The following AATK variants were observed in gnomAD, a reference collection of about 807,000 sequenced individuals.
AATK encodes lemur tail kinase 1.
AATK carries 91 observed loss-of-function variants against 114.3 expected under a neutral mutation model. The observed-to-expected ratio is 0.80, with a 90% confidence interval of 0.67 to 0.95. The LOEUF (loss-of-function observed/expected upper bound fraction) is 0.95, where lower values mean the gene tolerates loss of function less well. Among genes scored for constraint, AATK ranks in the 40% least tolerant of loss-of-function variants. The probability of loss-of-function intolerance (pLI) is 0.00; values close to 1 mark genes in which losing one functional copy is unlikely to be tolerated. For synonymous variants in AATK, 1,075 were observed against 916.5 expected, an observed-to-expected ratio of 1.17 and a Z score of -3.12; for missense variants, 2,176 against 1,965.2, an observed-to-expected ratio of 1.11 and a Z score of -2.03.
chr17:81,122,175 G>C lies in AATK; in HGVS notation c.1761C>G (p.Pro587=). Reference sequence around the variant, plus strand: ...GAGGGTAGTGGTCGCCGCGGCCCCAGGGGACGTCGACGGGTGGCCCGTGGC... The same window carrying C: ...GAGGGTAGTGGTCGCCGCGGCCCCACGGGACGTCGACGGGTGGCCCGTGGC... ...LLGHGPPVDV[P]WGRGDHYPRR... Residue 587 remains proline (P), a synonymous_variant, in exon 11 of 14, where the codon CCC becomes CCG. Coordinates refer to ENST00000326724, the MANE Select transcript of AATK (RefSeq NM_001080395.3). The C allele has an allele frequency of 6.6e-7, 1 of 1,511,750 alleles. No homozygotes were observed. The highest frequency in any genetic ancestry group is 8.8e-7 in the Non-Finnish European group (1 of 1,130,966). The allele number at this position is 1,511,750 out of a possible 1,614,324, so 93.6% of individuals were successfully genotyped here. A position where few individuals can be genotyped will look rare whatever the true frequency, so the allele number is the denominator to read the frequency against.
intron 1 of AATK, among the ~76,000 whole-genome samples, chr17:81,145,397 AG>A (rs2061202630): frequency 1.3e-5 from 2 of 152,284 alleles, no homozygotes; most frequent in Non-Finnish European, 2.9e-5. Context: ...AAGCAATGGA[AG>A]GGATCGCAAA....
At chr17:81,139,289 C>T (rs914506562) in intron 1 of AATK, among the ~76,000 whole-genome samples, 1 of 152,202 alleles carries the variant, frequency 6.6e-6, no homozygotes, top group East Asian at 1.9e-4. Context: ...CCACTTATCT[C>T]CTTGGGACCA....
In AATK at chr17:81,121,444, G is replaced by A; in HGVS notation, c.2492C>T (p.Thr831Ile). The A allele has an allele frequency of 1.9e-6, 3 of 1,597,904 alleles. No individual in the cohort carries two copies. The highest frequency in any genetic ancestry group is 2.6e-6 in the Non-Finnish European group (3 of 1,172,200). Residue 831 changes from threonine to isoleucine, a missense_variant, in exon 11 of 14, where the codon ACT (threonine) becomes ATT (isoleucine). Transcript: ENST00000326724. ...DALPDSPTPA[T>I]GGEVSAIKLA... is the part of the protein sequence containing the mutation. ...CTTGATGGCAGACACCTCGCCACCA[G>A]TAGCAGGCGTGGGAGAGTCAGGCAG... is the stretch of plus-strand genomic sequence containing the variant.
intron 1 of AATK, among the ~76,000 whole-genome samples, chr17:81,150,900 T>G (rs1598967785): frequency 6.6e-6 from 1 of 152,004 alleles, no homozygotes; most frequent in African/African-American, 2.4e-5. Context: ...TGCCGCTGAG[T>G]CAAGGGCAGA....
chr17:81,120,394 T>A lies in AATK; in HGVS notation c.3542A>T (p.Gln1181Leu). 6.2e-7 allele frequency: 1 copy of A among 1,604,782 alleles called. No homozygotes were observed. Among genetic ancestry groups the A allele is most frequent in the South Asian group, 1.1e-5 (1 of 90,422 alleles). Residue 1181 changes from glutamine to leucine, a missense_variant, in exon 11 of 14, where the codon CAG becomes CTG. Physicochemically the swap from Gln to Leu is moderately radical, Grantham distance 113. This residue lies in a region of AATK where 1,701 missense variants were observed against 1,394.7 expected (regional missense o/e 1.22). Transcript: ENST00000326724. ...SDEELRCYSV[Q>L]EPSEDSEEEA... is the part of the protein sequence containing the mutation. ...CTCTTCGCTGTCCTCGCTAGGCTCC[T>A]GGACGCTGTAGCAGCGGAGCTCCTC...
intron 1 of AATK, among the ~76,000 whole-genome samples, chr17:81,159,996 C>T (rs1334245445): frequency 6.6e-6 from 1 of 152,176 alleles, no homozygotes; most frequent in Non-Finnish European, 1.5e-5. Context: ...GCTGGCCACG[C>T]CCCGCCGTGA....
At chr17:81,151,790 T>G (rs1431276750) in intron 1 of AATK, among the ~76,000 whole-genome samples, 1 of 152,200 alleles carries the variant, frequency 6.6e-6, no homozygotes, top group Non-Finnish European at 1.5e-5. Context: ...GTTGTCTTTA[T>G]TTGGAAATTA....
intron 1 of AATK, among the ~76,000 whole-genome samples, chr17:81,165,149 G>A (rs1437104973): frequency 2.6e-5 from 4 of 152,244 alleles, no homozygotes; most frequent in African/African-American, 9.6e-5. Flanking sequence ...GCCAAGCAGG[G>A]GCCGGATCTG....
intron 1 of AATK, among the ~76,000 whole-genome samples, chr17:81,143,116 C>G (rs1309432386): frequency 6.6e-6 from 1 of 152,184 alleles, no homozygotes; most frequent in Non-Finnish European, 1.5e-5. Flanking sequence ...CCCTCGAAGG[C>G]CACGGGAGAG....
At chr17:81,134,251 C>T (rs931260779) in intron 2 of AATK, 117 bp downstream of exon 2, 18 of 1,399,992 alleles carry the variant, frequency 1.3e-5, no homozygotes, top group Admixed American at 8.8e-5. Flanking sequence ...ACAGCAACTA[C>T]GGCCACCCAG....
In AATK at chr17:81,122,261, C is replaced by T; in HGVS notation, c.1675G>A (p.Asp559Asn). 2 of 1,494,408 alleles carry T rather than the reference C, an allele frequency of 1.3e-6. No individual in the cohort carries two copies. The highest frequency in any genetic ancestry group is 2.5e-5 in the South Asian group (2 of 79,136). The allele number at this position is 1,494,408 out of a possible 1,614,324, so 92.6% of individuals were successfully genotyped here. The stretch of plus-strand genomic sequence containing the variant: ...CTGCCGTCAGAGTCGTCGTCCTGGT[C>T]CGCGGTGGCAGGTGGACTGGGGGCG... Reference protein sequence around the residue: ...GCAPSPPATADQDDDSDGSTA... With the variant: ...GCAPSPPATANQDDDSDGSTA... The change falls in exon 11 of 14, where the codon GAC (aspartate) becomes AAC (asparagine). Residue 559 changes from aspartate (D) to asparagine (N), a missense_variant. This residue lies in a region of AATK where 1,701 missense variants were observed against 1,394.7 expected (regional missense o/e 1.22). Coordinates refer to ENST00000326724, the MANE Select transcript of AATK (RefSeq NM_001080395.3).
intron 2 of AATK, chr17:81,131,953 C>G: frequency 7.5e-7 from 1 of 1,338,160 alleles, no homozygotes; most frequent in Non-Finnish European, 9.9e-7. Context: ...GGTGGCCACA[C>G]CACCTCCGGA....
intron 1 of AATK, among the ~76,000 whole-genome samples, chr17:81,154,922 G>A (rs919874928): frequency 3.9e-5 from 6 of 152,128 alleles, no homozygotes; most frequent in Non-Finnish European, 5.9e-5. Context: ...GAGCCACTGC[G>A]CTCGGCCCTT....
At chr17:81,123,939 T>C (rs1391103187) in intron 9 of AATK, among the ~76,000 whole-genome samples, 1 of 152,040 alleles carries the variant, frequency 6.6e-6, no homozygotes, top group Admixed American at 6.5e-5. Context: ...TGGCAAGACG[T>C]CACCATGACC....
intron 13 of AATK, 135 bp from the exon 14 acceptor site, chr17:81,118,577 T>A: frequency 1.1e-6 from 1 of 891,692 alleles, no homozygotes; most frequent in South Asian, 1.6e-5. Context: ...TGGCTGTGTC[T>A]AGGTGAGAGA....
chr17:81,160,173 G>T, intron 1 of AATK: 1 of 811,940 alleles, frequency 1.2e-6, no homozygotes, highest in Non-Finnish European at 1.5e-6. Context: ...TCCTGGCCAC[G>T]GCCCCCACCC....
At position 81,118,238 on chromosome 17, in the gene AATK, C is replaced by T. The variant is rs552744858; in HGVS notation, c.*164G>A. Reference sequence around the variant, plus strand: ...ATGGCCGATCTACCATCCAGGGCCTCTCATCCCACGGGCTTCTCCAGGACA... The same window carrying T: ...ATGGCCGATCTACCATCCAGGGCCTTTCATCCCACGGGCTTCTCCAGGACA... On this transcript the variant is annotated 3_prime_UTR_variant, in exon 14 of 14. Transcript: ENST00000326724. 4.4e-5 allele frequency: 29 copies of T among 666,216 alleles called. No homozygotes were observed. The Admixed American group carries it at 5.1e-4, about 12-fold the overall frequency. 41.3% of individuals were successfully genotyped at this position (666,216 alleles called of 1,614,324 possible). A position where few individuals can be genotyped will look rare whatever the true frequency, so the allele number is the denominator to read the frequency against.
intron 1 of AATK, among the ~76,000 whole-genome samples, chr17:81,137,827 GCACA>G (rs554165219): frequency 6.6e-6 from 1 of 151,880 alleles, no homozygotes; most frequent in Non-Finnish European, 1.5e-5. Context: ...GCACAGACAT[GCACA>G]CACACATATG....
At chr17:81,150,339 C>T (rs1051936526) in intron 1 of AATK, among the ~76,000 whole-genome samples, 1 of 151,884 alleles carries the variant, frequency 6.6e-6, no homozygotes, top group African/African-American at 2.4e-5. Context: ...AGGCGCCCCA[C>T]TCCCACATTC....
Sources: allele counts gnomAD v4.1 joint callset (sites outside exome capture counted in the v4.1 genomes callset), GRCh38; gene constraint gnomAD v4.1.1; regional missense constraint gnomAD v4.1.1; transcripts MANE v1.5; gene names NCBI Gene and HGNC (gene_info 2026-07-23, HGNC 2026-07-21).